PGBD5: variants seen among roughly 807,000 people sequenced by gnomAD.
The protein encoded by PGBD5 is piggyBac transposable element-derived protein 5.
PGBD5 carries 14 observed loss-of-function variants against 47.9 expected under a neutral mutation model. That is an observed-to-expected ratio of 0.29 (90% CI 0.19 to 0.46). The LOEUF (loss-of-function observed/expected upper bound fraction) is 0.46. PGBD5 is among the 20% of genes least tolerant of loss of function. The pLI is 1.00. For synonymous variants in PGBD5, 316 were observed against 306.3 expected (o/e 1.03, Z -0.33); for missense variants, 635 against 716.0 (o/e 0.89, Z 1.29).
intron 2 of PGBD5, among the ~76,000 whole-genome samples, chr1:230,353,692 G>A (rs1270156888): frequency 6.6e-6 from 1 of 152,174 alleles, no homozygotes; most frequent in Admixed American, 6.5e-5. Flanking sequence ...CACCTGATGA[G>A]GGCAATGGGA....
chr1:230,317,594 G>A lies in PGBD5; in HGVS notation c.*5831C>T, dbSNP rs919963011. ...CTGCCGGGGGCTGACCCTTGGGGAG[G>A]GGAGGGCCGAGGCTGATTTATCTGG... is the stretch of plus-strand genomic sequence containing the variant. On this transcript the variant is annotated 3_prime_UTR_variant, in exon 7 of 7. Coordinates refer to ENST00000391860, the MANE Select transcript of PGBD5 (RefSeq NM_001258311.2). The A allele has an allele frequency of 1.3e-5, 2 of 152,146 alleles. No homozygotes were observed. The highest frequency in any genetic ancestry group is 2.9e-5 in the Non-Finnish European group (2 of 68,032). 9.4% of individuals were successfully genotyped at this position (152,146 alleles called of 1,614,324 possible).
Position 230,323,680 on chromosome 1 carries a change from C to G in PGBD5, c.1380-60G>C. 1 of 1,478,580 alleles carries G rather than the reference C, an allele frequency of 6.8e-7. No individual in the cohort carries two copies. Among genetic ancestry groups the G allele is most frequent in the Non-Finnish European group, 9.1e-7 (1 of 1,093,498 alleles). 91.6% of individuals were successfully genotyped at this position (1,478,580 alleles called of 1,614,324 possible). A position where few individuals can be genotyped will look rare whatever the true frequency, so the allele number is the denominator to read the frequency against. ...TGGTTCATGGCACCCGGAGATGCAT[C>G]CCAAAGGCCCCCCCTCACCACAGCC... On this transcript the variant is annotated intron_variant, in intron 6 of 6. Transcript: ENST00000391860. This position sits in a 1 kb window ranked among gnomAD's most constrained non-coding sequence, Gnocchi z 4.1.
At chr1:230,414,307 G>A (rs1348819836) in intron 1 of PGBD5, among the ~76,000 whole-genome samples, 3 of 152,144 alleles carry the variant, frequency 2.0e-5, no homozygotes, top group Non-Finnish European at 2.9e-5. Flanking sequence ...AAAGACAGCC[G>A]CGGATCTTCC....
rs889572663 is a variant in PGBD5, at chr1:230,331,658, CT to C, written c.1273+1185del. Among the ~76,000 whole-genome samples the C allele has an allele frequency of 3.5e-4, 52 of 148,856 alleles. 1 individual carries two copies. Among genetic ancestry groups the C allele is most frequent in the African/African-American group, 1.1e-3 (43 of 40,586 alleles). ...TTCTTCTTCGTTCTTCCTCCTCCTC[CT>C]TTTTTTTTTCTCTCTTGGTAGATGG... On this transcript the variant is annotated intron_variant, in intron 5 of 6. Transcript: ENST00000391860.
chr1:230,368,452 T>C (rs916108757), intron 1 of PGBD5, among the ~76,000 whole-genome samples: 2 of 152,256 alleles, frequency 1.3e-5, no homozygotes, highest in Non-Finnish European at 2.9e-5. Context: ...AAAGAAAAAG[T>C]GTGTGTAAGG....
At chr1:230,332,767 C>G (rs2102815421) in intron 5 of PGBD5, 77 bp downstream of exon 5, 1 of 1,537,720 alleles carries the variant, frequency 6.5e-7, no homozygotes, top group East Asian at 2.2e-5. Context: ...GACGCCACAT[C>G]CACCGCAGCG....
chr1:230,337,957 A>G (rs1374665430), intron 3 of PGBD5, among the ~76,000 whole-genome samples: 1 of 152,226 alleles, frequency 6.6e-6, no homozygotes, highest in Non-Finnish European at 1.5e-5. Flanking sequence ...AAAAAAATCA[A>G]CTGCCTCCAG....
intron 5 of PGBD5, among the ~76,000 whole-genome samples, chr1:230,328,732 C>T (rs1667163074): frequency 6.6e-6 from 1 of 152,188 alleles, no homozygotes; most frequent in South Asian, 2.1e-4. Flanking sequence ...ATTCCTGCTA[C>T]CTTTCTGCAA....
chr1:230,415,385 A>G lies in PGBD5; in HGVS notation c.331+10213T>C, dbSNP rs148379949. Among the ~76,000 whole-genome samples, 444 of 152,080 alleles carry G rather than the reference A, an allele frequency of 2.9e-3. 4 individuals are homozygous for G. Among genetic ancestry groups the G allele is most frequent in the African/African-American group, 0.01 (430 of 41,484 alleles). Reference sequence around the variant, plus strand: ...AAATCTCCCTGTATCCTGATCCTTTATATTCTCTTTGTAACCCTGTTTCTC... The same window carrying G: ...AAATCTCCCTGTATCCTGATCCTTTGTATTCTCTTTGTAACCCTGTTTCTC... On this transcript the variant is annotated intron_variant, in intron 1 of 6. Transcript: ENST00000391860.
chr1:230,415,320 T>TTGTTGA (rs1657491296), intron 1 of PGBD5, among the ~76,000 whole-genome samples: 3 of 151,590 alleles, frequency 2.0e-5, no homozygotes, highest in African/African-American at 7.3e-5. Flanking sequence ...CACTAACCAC[T>TTGTTGA]CTGGGTGATT....
intron 1 of PGBD5, among the ~76,000 whole-genome samples, chr1:230,390,408 C>T (rs1473407584): frequency 2.0e-5 from 3 of 152,194 alleles, no homozygotes; most frequent in Non-Finnish European, 4.4e-5. Context: ...CCTCTCACCT[C>T]ACCTGAACAT....
At position 230,392,394 on chromosome 1, in the gene PGBD5, G is replaced by A. The variant is rs181467265; in HGVS notation, c.331+33204C>T. On this transcript the variant is annotated intron_variant, in intron 1 of 6. Transcript: ENST00000391860. Reference sequence around the variant, plus strand: ...TGGGGAAGGCCAGAGCCCGAGGCCCGGCTGATGAGCCCCAGGCTTTGATGA... The same window carrying A: ...TGGGGAAGGCCAGAGCCCGAGGCCCAGCTGATGAGCCCCAGGCTTTGATGA... Among the ~76,000 whole-genome samples, 1,340 of 152,310 alleles carry A rather than the reference G, an allele frequency of 8.8e-3. 10 individuals are homozygous for A. The highest frequency in any genetic ancestry group is 0.016 in the Non-Finnish European group (1,074 of 68,024).
At chr1:230,402,842 T>C (rs1657175288) in intron 1 of PGBD5, among the ~76,000 whole-genome samples, 1 of 152,236 alleles carries the variant, frequency 6.6e-6, no homozygotes, top group African/African-American at 2.4e-5. Context: ...AGAACACATG[T>C]GACTCTCTGC....
At chr1:230,418,119 C>T (rs970937228) in intron 1 of PGBD5, among the ~76,000 whole-genome samples, 5 of 152,086 alleles carry the variant, frequency 3.3e-5, no homozygotes, top group South Asian at 2.1e-4. Flanking sequence ...ATTATCTGGC[C>T]CAAGTTGAAA....
intron 1 of PGBD5, among the ~76,000 whole-genome samples, chr1:230,399,769 T>A (rs1194720844): frequency 6.6e-6 from 1 of 152,204 alleles, no homozygotes; most frequent in Non-Finnish European, 1.5e-5. Flanking sequence ...TGACGCCTAT[T>A]TCTCCTGCCC....
intron 1 of PGBD5, among the ~76,000 whole-genome samples, chr1:230,391,852 G>A (rs1656792379): frequency 1.3e-5 from 2 of 152,066 alleles, no homozygotes; most frequent in South Asian, 2.1e-4. Context: ...AATAAAAAAC[G>A]AGCCCCATGC....
chr1:230,426,018 C>A lies in PGBD5; in HGVS notation c.-90G>T, dbSNP rs1558218646. On this transcript the variant is annotated 5_prime_UTR_variant, in exon 1 of 7. Transcript: ENST00000391860. ...GGCCCGCGCCGCGGCCCGCCGCCCC[C>A]CACCAGCGCAGCCCGCAGCACAGCG... The A allele has an allele frequency of 1.6e-6, 1 of 621,248 alleles. No individual in the cohort carries two copies. Among genetic ancestry groups the A allele is most frequent in the South Asian group, 6.8e-5 (1 of 14,734 alleles). The allele number at this position is 621,248 out of a possible 1,614,324, so 38.5% of individuals were successfully genotyped here.
intron 1 of PGBD5, among the ~76,000 whole-genome samples, chr1:230,393,854 C>CT (rs1656854777): frequency 6.6e-6 from 1 of 151,378 alleles, no homozygotes; most frequent in Non-Finnish European, 1.5e-5. Context: ...ATAATAGGCC[C>CT]GGGGCCCGCC....
At chr1:230,374,166 C>A (rs761532341) in intron 1 of PGBD5, among the ~76,000 whole-genome samples, 3 of 152,166 alleles carry the variant, frequency 2.0e-5, no homozygotes, top group Non-Finnish European at 4.4e-5. Context: ...TGCCTGTAAT[C>A]CCAGCACTTT....
Sources: gnomAD v4.1 joint callset for allele counts (sites outside exome capture counted in the v4.1 genomes callset) on GRCh38, gnomAD v4.1.1 for gene constraint, Gnocchi (gnomAD v3.1) non-coding constraint, MANE v1.5 for transcripts, NCBI Gene and HGNC (gene_info 2026-07-23, HGNC 2026-07-21) for gene names.